Variants in ZNF461 observed in about 807,000 individuals in gnomAD.
ZNF461 encodes the protein zinc finger protein 461, also known as gonadotropin-inducible ovarian transcription factor-1.
In ZNF461, 16 loss-of-function variants were observed where a neutral mutation model predicts 18.3. That is an observed-to-expected ratio of 0.88 (90% CI 0.59 to 1.33). The LOEUF is 1.33. Ranked by LOEUF, ZNF461 falls within the 40% of genes most tolerant of loss-of-function variation. The pLI is 0.00. For missense variants in ZNF461, 595 were observed against 669.9 expected, an observed-to-expected ratio of 0.89 and a Z score of 1.23; for synonymous variants, 179 against 216.9, an observed-to-expected ratio of 0.83 and a Z score of 1.54.
Position 36,639,482 on chromosome 19 carries a change from A to C in ZNF461, c.863T>G (p.Leu288Arg), listed in dbSNP as rs2037377634. 6.2e-7 allele frequency: 1 copy of C among 1,613,564 alleles called. No homozygotes were observed. Among genetic ancestry groups the C allele is most frequent in the African/African-American group, 1.3e-5 (1 of 74,898 alleles). Residue 288 changes from leucine (L) to arginine (R), a missense_variant, in exon 6 of 6, where the codon CTT becomes CGT. Physicochemically the swap from Leu to Arg is moderately radical, Grantham distance 102. Coordinates refer to ENST00000588268, the MANE Select transcript of ZNF461 (RefSeq NM_153257.5). Reference sequence around the variant, plus strand: ...AGTGTGAATTCTTTGATGTAGAGTAAGTTCTGAGCCATAATTAAAGGCCTT... The same window carrying C: ...AGTGTGAATTCTTTGATGTAGAGTACGTTCTGAGCCATAATTAAAGGCCTT... Reference protein sequence around the residue: ...CGKAFNYGSELTLHQRIHTGE... With the variant: ...CGKAFNYGSERTLHQRIHTGE...
At chr19:36,655,846 A>G (rs144904961) in intron 4 of ZNF461, among the ~76,000 whole-genome samples, 1 of 152,256 alleles carries the variant, frequency 6.6e-6, no homozygotes, top group African/African-American at 2.4e-5. Context: ...TAATTTTTCT[A>G]TATGGTGTAA....
chr19:36,640,140 A>G (rs2037399423), intron 5 of ZNF461, 97 bp from the exon 6 acceptor site: 7 of 1,087,058 alleles, frequency 6.4e-6, no homozygotes, highest in Middle Eastern at 2.7e-4. Flanking sequence ...AATAATTCAT[A>G]TAAGAAATAA....
Position 36,666,616 on chromosome 19 carries a change from G to A in ZNF461, c.-81+74C>T, listed in dbSNP as rs903040884. 7 of 151,342 alleles carry A rather than the reference G, an allele frequency of 4.6e-5. No individual in the cohort carries two copies. The East Asian group carries it at 1.4e-3, about 30-fold the overall frequency. The allele number at this position is 151,342 out of a possible 1,614,324, so 9.4% of individuals were successfully genotyped here. A position where few individuals can be genotyped will look rare whatever the true frequency, so the allele number is the denominator to read the frequency against. Reference sequence around the variant, plus strand: ...CGCATTCAAAACACACCCACCTAAGGGCTGATCCCGCACTCAGAGGCCTAA... The same window carrying A: ...CGCATTCAAAACACACCCACCTAAGAGCTGATCCCGCACTCAGAGGCCTAA... On this transcript the variant is annotated intron_variant, in intron 1 of 5. Coordinates refer to ENST00000588268, the MANE Select transcript of ZNF461 (RefSeq NM_153257.5).
chr19:36,659,748 G>C lies in ZNF461; in HGVS notation c.10-1323C>G, dbSNP rs530091977. Among the ~76,000 whole-genome samples, 19 of 152,270 alleles carry C rather than the reference G, an allele frequency of 1.2e-4. No homozygotes were observed. In the South Asian group the frequency reaches 3.1e-3, roughly 25 times the overall value. ...CCTGTATATTTACTGTGTTCCCAAA[G>C]AATATTAATGTAGAATGATCCAGAC... On this transcript the variant is annotated intron_variant, in intron 2 of 5. Coordinates refer to ENST00000588268, the MANE Select transcript of ZNF461 (RefSeq NM_153257.5).
chr19:36,647,717 C>T (rs1191286019), intron 4 of ZNF461, among the ~76,000 whole-genome samples: 3 of 152,026 alleles, frequency 2.0e-5, no homozygotes, highest in Admixed American at 1.3e-4. Flanking sequence ...TGATATAGCT[C>T]GGATATGTGT....
At chr19:36,645,866 C>T (rs567545293) in intron 4 of ZNF461, among the ~76,000 whole-genome samples, 2 of 152,280 alleles carry the variant, frequency 1.3e-5, no homozygotes, top group Admixed American at 1.3e-4. Flanking sequence ...CTAACTGCAA[C>T]CTCCACCACC....
chr19:36,662,740 T>C (rs2037839909), intron 2 of ZNF461, among the ~76,000 whole-genome samples: 1 of 152,220 alleles, frequency 6.6e-6, no homozygotes, highest in South Asian at 2.1e-4. Context: ...ATTCTAGTTG[T>C]ATTTCACTAT....
chr19:36,658,495 TA>T, intron 2 of ZNF461, 70 bp from the exon 3 acceptor site: 1 of 1,451,574 alleles, frequency 6.9e-7, no homozygotes, highest in Non-Finnish European at 9.4e-7. Flanking sequence ...AGAGAAGTGC[TA>T]AAAGAAGGTA....
chr19:36,662,859 T>C (rs541779008), intron 2 of ZNF461, among the ~76,000 whole-genome samples: 1 of 152,252 alleles, frequency 6.6e-6, no homozygotes, highest in African/African-American at 2.4e-5. Flanking sequence ...TATTAACAAT[T>C]ATCAGGATAC....
At chr19:36,656,615 A>T (rs1828413715) in intron 3 of ZNF461, 72 bp from the exon 4 acceptor site, 2 of 1,180,972 alleles carry the variant, frequency 1.7e-6, no homozygotes, top group Non-Finnish European at 2.4e-6. Flanking sequence ...AGAACTGATT[A>T]AAATAAAAAT....
intron 4 of ZNF461, among the ~76,000 whole-genome samples, chr19:36,651,229 T>G (rs1375342535): frequency 2.2e-5 from 2 of 92,180 alleles, no homozygotes; most frequent in Non-Finnish European, 4.0e-5. Context: ...AGACTCCGTC[T>G]CAGGAAAAAA....
chr19:36,639,882 G>A lies in ZNF461; in HGVS notation c.463C>T (p.Gln155Ter). 6.2e-7 allele frequency: 1 copy of A among 1,613,840 alleles called. No homozygotes were observed. Among genetic ancestry groups the A allele is most frequent in the East Asian group, 2.2e-5 (1 of 44,858 alleles). Residue 155 changes from glutamine (Q) to a stop codon, truncating the protein, a stop_gained, in exon 6 of 6, where the codon CAG (glutamine) becomes TAG (stop). Transcript: ENST00000588268. LOFTEE classifies it low-confidence loss of function (END_TRUNC). ...WEGNCHFEQH[Q>*]GQEEGYFRQL... ...CTAAAATAACCCTCCTCTTGTCCCT[G>A]ATGTTGCTCAAAATGACAGTTGCCT...
intron 4 of ZNF461, among the ~76,000 whole-genome samples, chr19:36,651,829 C>G (rs3108542): frequency 0.66 from 100,290 of 151,992 alleles, 33,308 homozygotes; most frequent in East Asian, 0.8. Flanking sequence ...ACAAGCTTTT[C>G]TAAAACTTAT....
intron 4 of ZNF461, among the ~76,000 whole-genome samples, chr19:36,653,739 C>T (rs568497045): frequency 2.0e-4 from 31 of 152,254 alleles, no homozygotes; most frequent in African/African-American, 7.5e-4. Flanking sequence ...CTGGTCCCTC[C>T]CACAACACGT....
intron 4 of ZNF461, among the ~76,000 whole-genome samples, chr19:36,647,867 G>C (rs1232315366): frequency 6.6e-6 from 1 of 151,920 alleles, no homozygotes; most frequent in Non-Finnish European, 1.5e-5. Flanking sequence ...TGGTGAGTGA[G>C]TTCTCATGAT....
chr19:36,659,374 T>C (rs1171409587), intron 2 of ZNF461, among the ~76,000 whole-genome samples: 6 of 152,178 alleles, frequency 3.9e-5, no homozygotes, highest in Non-Finnish European at 7.3e-5. Context: ...AAATTTTGGG[T>C]TGGTTTATTA....
At chr19:36,662,296 G>T (rs927665256) in intron 2 of ZNF461, among the ~76,000 whole-genome samples, 1 of 150,500 alleles carries the variant, frequency 6.6e-6, no homozygotes. Flanking sequence ...CTGCTTTGTC[G>T]CCAGGCTGGA....
Position 36,639,841 on chromosome 19 carries a change from G to C in ZNF461, c.504C>G (p.Asn168Lys), listed in dbSNP as rs759941428. 5 of 1,613,862 alleles carry C rather than the reference G, an allele frequency of 3.1e-6. No individual in the cohort carries two copies. In the South Asian group the frequency reaches 3.3e-5, roughly 11 times the overall value. Reference sequence around the variant, plus strand: ...GGCTAAAAATGGGCATGTTTTCATGGTTAATCATAAGTTGTCTAAAATAAC... The same window carrying C: ...GGCTAAAAATGGGCATGTTTTCATGCTTAATCATAAGTTGTCTAAAATAAC... ...EEGYFRQLMI[N>K]HENMPIFSQH... is the part of the protein sequence containing the mutation. The change falls in exon 6 of 6, where the codon AAC becomes AAG. Residue 168 changes from asparagine (N) to lysine (K), a missense_variant. By Grantham distance (94) the Asn-to-Lys change is moderately conservative. Coordinates refer to ENST00000588268, the MANE Select transcript of ZNF461 (RefSeq NM_153257.5).
intron 4 of ZNF461, among the ~76,000 whole-genome samples, chr19:36,648,552 G>A (rs1327834355): frequency 6.6e-6 from 1 of 150,648 alleles, no homozygotes; most frequent in Non-Finnish European, 1.5e-5. Context: ...ATCTCATTGT[G>A]TGCTTTTTTG....
Sources: gnomAD v4.1 joint callset for allele counts (sites outside exome capture counted in the v4.1 genomes callset) on GRCh38, gnomAD v4.1.1 for gene constraint, MANE v1.5 for transcripts, NCBI Gene and HGNC (gene_info 2026-07-23, HGNC 2026-07-21) for gene names.